Variants in PPFIBP1 observed in about 807,000 individuals in gnomAD.
PPFIBP1 encodes the protein PPFIB scaffold protein 1, also known as liprin-beta-1.
PPFIBP1 carries 112 observed loss-of-function variants against 137.8 expected under a neutral mutation model. The observed-to-expected ratio is 0.81, with a 90% CI of 0.70 to 0.95. The LOEUF (loss-of-function observed/expected upper bound fraction) is 0.95. Ranked by LOEUF, PPFIBP1 falls within the 40% of genes least tolerant of loss-of-function variation. The pLI is 0.00. For synonymous variants in PPFIBP1, 378 were observed against 417.3 expected (o/e 0.91, Z 1.15); for missense variants, 1,083 against 1,196.6 (o/e 0.91, Z 1.40).
intron 2 of PPFIBP1, among the ~76,000 whole-genome samples, chr12:27,627,552 C>G (rs2056921780): frequency 6.6e-6 from 1 of 152,186 alleles, no homozygotes; most frequent in African/African-American, 2.4e-5. Context: ...AAAGCTAGGA[C>G]AAATGTTATT....
intron 24 of PPFIBP1, among the ~76,000 whole-genome samples, chr12:27,685,888 T>TAAAAAAATTGG (rs1566016543): frequency 2.0e-5 from 3 of 152,158 alleles, no homozygotes; most frequent in African/African-American, 7.2e-5. Context: ...TAAAAAGTTT[T>TAAAAAAATTGG]AAAAAAATTG....
chr12:27,528,024 C>G (rs1007835335), intron 1 of PPFIBP1, among the ~76,000 whole-genome samples: 7 of 152,152 alleles, frequency 4.6e-5, no homozygotes, highest in African/African-American at 1.7e-4. Flanking sequence ...TCTTGCCTCG[C>G]TGCAACCTCC....
At chr12:27,542,829 T>C (rs1945815091) in intron 1 of PPFIBP1, among the ~76,000 whole-genome samples, 1 of 152,168 alleles carries the variant, frequency 6.6e-6, no homozygotes, top group Non-Finnish European at 1.5e-5. Flanking sequence ...CAAAACATGT[T>C]TTGTCTACGT....
At chr12:27,633,283 T>A in intron 2 of PPFIBP1, 79 bp from the exon 3 acceptor site, 2 of 939,624 alleles carry the variant, frequency 2.1e-6, no homozygotes, top group South Asian at 3.0e-5. Context: ...AGCAGAGTTA[T>A]CATTTGAAGG....
chr12:27,547,556 A>T (rs1946351601), intron 1 of PPFIBP1: 1 of 152,266 alleles, frequency 6.6e-6, no homozygotes, highest in South Asian at 2.1e-4. Context: ...CTCTGAGACC[A>T]GGAGTGGGGT....
rs12301403 is a variant in PPFIBP1, at chr12:27,642,495, C to T, written c.271-3567C>T. Among the ~76,000 whole-genome samples the T allele has an allele frequency of 6.7e-3, 1,026 of 152,312 alleles. 13 individuals carry two copies. Among genetic ancestry groups the T allele is most frequent in the African/African-American group, 0.023 (966 of 41,562 alleles). ...TGGAAGAATCAAAAGAAACGTAAGACAGTTTTGCACTGAGAAACTTAGGCT... is the reference window on the plus strand; with the variant it reads ...TGGAAGAATCAAAAGAAACGTAAGATAGTTTTGCACTGAGAAACTTAGGCT... On this transcript the variant is annotated intron_variant, in intron 4 of 29. Transcript: ENST00000228425.
intron 6 of PPFIBP1, among the ~76,000 whole-genome samples, chr12:27,648,394 T>G (rs2058674829): frequency 6.6e-6 from 1 of 152,162 alleles, no homozygotes; most frequent in Admixed American, 6.5e-5. Flanking sequence ...TTGTACACTG[T>G]TGGTGGGAAT....
chr12:27,681,718 TC>T, intron 22 of PPFIBP1, 22 bp downstream of exon 22: 1 of 1,613,086 alleles, frequency 6.2e-7, no homozygotes, highest in Non-Finnish European at 8.5e-7. Flanking sequence ...TCTGTTTTGT[TC>T]ACACAATGGA....
At chr12:27,572,155 A>G (rs1412859295) in intron 1 of PPFIBP1, among the ~76,000 whole-genome samples, 3 of 152,198 alleles carry the variant, frequency 2.0e-5, no homozygotes, top group Non-Finnish European at 2.9e-5. Flanking sequence ...ATTTTTATAT[A>G]GTTTTAATAC....
chr12:27,672,662 A>G (rs987956768), intron 15 of PPFIBP1, among the ~76,000 whole-genome samples, 179 bp downstream of exon 15: 1 of 152,210 alleles, frequency 6.6e-6, no homozygotes, highest in Non-Finnish European at 1.5e-5. Context: ...GTTTACAAAG[A>G]AATAATTTCT....
At position 27,647,714 on chromosome 12, in the gene PPFIBP1, T is replaced by C; in HGVS notation, c.358-15T>C. On this transcript the variant is annotated splice_polypyrimidine_tract_variant and intron_variant, in intron 5 of 29. Transcript: ENST00000228425. ...ATTCTTTTTCACTCATTGCATTATT[T>C]TGCTCTAAATACAGGTAAGTGTGTT... The C allele has an allele frequency of 1.3e-6, 2 of 1,540,696 alleles. No homozygotes were observed. Among genetic ancestry groups the C allele is most frequent in the Non-Finnish European group, 1.8e-6 (2 of 1,139,204 alleles).
Position 27,679,913 on chromosome 12 carries a change from A to G in PPFIBP1, c.1767-20A>G. ...GGCCTCCTCAGGTCTAATACTGGCC[A>G]TGTGTGTTGTCTTCTTTAGACTTAG... On this transcript the variant is annotated intron_variant, in intron 20 of 29. Coordinates refer to ENST00000228425, the MANE Select transcript of PPFIBP1 (RefSeq NM_003622.4). The G allele has an allele frequency of 1.9e-6, 3 of 1,613,978 alleles. No homozygotes were observed. Among genetic ancestry groups the G allele is most frequent in the Non-Finnish European group, 2.5e-6 (3 of 1,179,912 alleles).
At chr12:27,557,846 G>A (rs1049095252) in intron 1 of PPFIBP1, among the ~76,000 whole-genome samples, 21 of 152,278 alleles carry the variant, frequency 1.4e-4, no homozygotes, top group African/African-American at 4.6e-4. Context: ...TGGAATTACT[G>A]GAATGTGAAC....
At chr12:27,568,141 A>G (rs2049840694) in intron 1 of PPFIBP1, among the ~76,000 whole-genome samples, 2 of 152,234 alleles carry the variant, frequency 1.3e-5, no homozygotes, top group South Asian at 4.1e-4. Flanking sequence ...AGTGGCCTCA[A>G]AAAGTTACAG....
rs2060518066 is a variant in PPFIBP1 at position 27,676,452 on chromosome 12, C to A, written c.1435C>A (p.Pro479Thr). 5 of 1,551,130 alleles carry A rather than the reference C, an allele frequency of 3.2e-6. No homozygotes were observed. The East Asian group carries it at 1.2e-4, about 36-fold the overall frequency. The change falls in exon 18 of 30, where the codon CCA becomes ACA. Residue 479 changes from proline to threonine, a missense_variant. Pro to Thr is a conservative substitution (Grantham distance 38, BLOSUM62 -1). Coordinates refer to ENST00000228425, the MANE Select transcript of PPFIBP1 (RefSeq NM_003622.4). ...GGACAGAGCTCCGGCAGAAAGCAGG[C>A]CATTTGGGACCCTTCCTCCCAGGCC... is the stretch of plus-strand genomic sequence containing the variant. ...SEDRAPAESRPFGTLPPRPPG... is the reference protein window; with the variant it reads ...SEDRAPAESRTFGTLPPRPPG...
At chr12:27,652,887 T>A (rs948284929) in intron 7 of PPFIBP1, among the ~76,000 whole-genome samples, 5 of 152,222 alleles carry the variant, frequency 3.3e-5, no homozygotes, top group Non-Finnish European at 7.3e-5. Context: ...TTCTTTAGAC[T>A]TGAATTCTGA....
intron 12 of PPFIBP1, among the ~76,000 whole-genome samples, chr12:27,666,139 CA>C (rs2059841083): frequency 6.6e-6 from 1 of 152,190 alleles, no homozygotes; most frequent in Non-Finnish European, 1.5e-5. Context: ...CTCGTAATTG[CA>C]CTGGCATGAT....
intron 2 of PPFIBP1, among the ~76,000 whole-genome samples, chr12:27,598,001 C>T (rs2053516978): frequency 1.3e-5 from 2 of 152,054 alleles, no homozygotes; most frequent in South Asian, 4.1e-4. Context: ...GACGGGGTTT[C>T]ACCATGTCAG....
At chr12:27,622,628 G>C (rs754076686) in intron 2 of PPFIBP1, among the ~76,000 whole-genome samples, 23 of 152,158 alleles carry the variant, frequency 1.5e-4, no homozygotes, top group Non-Finnish European at 2.8e-4. Context: ...CACCTGTGCA[G>C]ACACACACAC....
Sources: gnomAD v4.1 joint callset for allele counts (sites outside exome capture counted in the v4.1 genomes callset) on GRCh38, gnomAD v4.1.1 for gene constraint, MANE v1.5 for transcripts, NCBI Gene and HGNC (gene_info 2026-07-23, HGNC 2026-07-21) for gene names.